Variants in CMSS1 observed in about 807,000 individuals in gnomAD.
CMSS1 encodes the protein protein CMSS1.
CMSS1 carries 33 observed loss-of-function variants against 43.5 expected under a neutral mutation model. The ratio of observed to expected loss-of-function variants is 0.76; its 90% confidence interval spans 0.57 to 1.01. The LOEUF (loss-of-function observed/expected upper bound fraction) is 1.01, where lower values mean the gene tolerates loss of function less well. Among genes scored for constraint, CMSS1 ranks in the 50% least tolerant of loss-of-function variants. CMSS1 has a pLI of 0.00. For missense variants in CMSS1, 313 were observed against 326.4 expected (o/e 0.96, Z 0.32); for synonymous variants, 115 against 117.2 (o/e 0.98, Z 0.12).
At chr3:100,038,617 A>G (rs191144151) in intron 1 of CMSS1, among the ~76,000 whole-genome samples, 6 of 152,328 alleles carry the variant, frequency 3.9e-5, no homozygotes, top group Admixed American at 6.5e-5. Context: ...CATTTATCCA[A>G]TACTATGCTT....
intron 1 of CMSS1, among the ~76,000 whole-genome samples, chr3:99,884,787 A>G (rs1705839476): frequency 6.6e-6 from 1 of 152,226 alleles, no homozygotes; most frequent in Non-Finnish European, 1.5e-5. Flanking sequence ...ATTGAGGCAA[A>G]TGTGTATACA....
chr3:99,882,407 A>G (rs549805164), intron 1 of CMSS1, among the ~76,000 whole-genome samples: 3 of 152,330 alleles, frequency 2.0e-5, no homozygotes, highest in African/African-American at 7.2e-5. Context: ...TGGTAAGACT[A>G]AATCTTCCAC....
chr3:100,005,191 G>A (rs1709954177), intron 1 of CMSS1, among the ~76,000 whole-genome samples: 1 of 152,166 alleles, frequency 6.6e-6, no homozygotes, highest in South Asian at 2.1e-4. Flanking sequence ...TCCTGTATTT[G>A]TATAGCACCT....
Position 99,849,935 on chromosome 3 carries a change from G to A in CMSS1, c.64+31892G>A, listed in dbSNP as rs368624908. The A allele has an allele frequency of 2.0e-5, 33 of 1,612,830 alleles. No homozygotes were observed. The highest frequency in any genetic ancestry group is 6.7e-5 in the Admixed American group (4 of 59,876). ...TTCAACATATTAACTCTTGACAGGA[G>A]ATCATTTCCTTTCTCTTCTTCCGCT... is the stretch of plus-strand genomic sequence containing the variant. On this transcript the variant is annotated intron_variant, in intron 1 of 9. Coordinates refer to ENST00000421999, the MANE Select transcript of CMSS1 (RefSeq NM_032359.4).
chr3:100,144,407 C>T (rs1048361547), intron 1 of CMSS1, among the ~76,000 whole-genome samples: 2 of 152,150 alleles, frequency 1.3e-5, no homozygotes, highest in Non-Finnish European at 2.9e-5. Flanking sequence ...GATGGAAGTC[C>T]AGGCTCCTCA....
At chr3:99,916,780 C>T (rs193042499) in intron 1 of CMSS1, among the ~76,000 whole-genome samples, 51 of 152,224 alleles carry the variant, frequency 3.4e-4, no homozygotes, top group African/African-American at 1.2e-3. Flanking sequence ...ACTCTGATAC[C>T]CTGTGCTCTT....
chr3:99,971,103 C>A (rs578042620), intron 1 of CMSS1, among the ~76,000 whole-genome samples: 7,847 of 152,148 alleles, frequency 0.052, 309 homozygotes, highest in South Asian at 0.15. Context: ...TTTGGGAGGC[C>A]AAGGCGGGCG....
intron 1 of CMSS1, among the ~76,000 whole-genome samples, chr3:99,999,044 T>C (rs904658706): frequency 6.6e-6 from 1 of 152,232 alleles, no homozygotes; most frequent in Non-Finnish European, 1.5e-5. Context: ...CTTCCGTGCC[T>C]CCCATAGGCA....
intron 1 of CMSS1, among the ~76,000 whole-genome samples, chr3:100,016,710 C>A (rs942947842): frequency 6.6e-6 from 1 of 152,182 alleles, no homozygotes; most frequent in Admixed American, 6.5e-5. Flanking sequence ...CTCTTGAATC[C>A]TTTTTATCCT....
At chr3:99,828,981 C>G (rs1266218950) in intron 1 of CMSS1, among the ~76,000 whole-genome samples, 1 of 151,954 alleles carries the variant, frequency 6.6e-6, no homozygotes, top group African/African-American at 2.4e-5. Flanking sequence ...TCAATGCTGC[C>G]CAGGCCTCTA....
chr3:100,123,059 A>C (rs2066634477), intron 1 of CMSS1, among the ~76,000 whole-genome samples: 1 of 152,208 alleles, frequency 6.6e-6, no homozygotes, highest in Non-Finnish European at 1.5e-5. Flanking sequence ...TTGGAATGTA[A>C]AGTCTATGGG....
chr3:100,017,546 A>G (rs915796627), intron 1 of CMSS1, among the ~76,000 whole-genome samples: 1 of 152,204 alleles, frequency 6.6e-6, no homozygotes, highest in African/African-American at 2.4e-5. Context: ...TTGTATATGT[A>G]CTTTGTGCTG....
At chr3:99,956,739 C>A (rs1178733548) in intron 1 of CMSS1, among the ~76,000 whole-genome samples, 1 of 152,178 alleles carries the variant, frequency 6.6e-6, no homozygotes, top group African/African-American at 2.4e-5. Flanking sequence ...TTCTTTCTCA[C>A]TATTGGTTCT....
At chr3:99,826,582 A>C (rs1280479557) in intron 1 of CMSS1, among the ~76,000 whole-genome samples, 3 of 152,204 alleles carry the variant, frequency 2.0e-5, no homozygotes, top group African/African-American at 7.2e-5. Flanking sequence ...TGTGAACCGC[A>C]GTTTGCAAAC....
intron 1 of CMSS1, among the ~76,000 whole-genome samples, chr3:99,897,749 C>G (rs1238366991): frequency 1.3e-5 from 2 of 152,164 alleles, no homozygotes; most frequent in Non-Finnish European, 2.9e-5. Flanking sequence ...CATATTTTAC[C>G]TTGACCAGAT....
intron 1 of CMSS1, among the ~76,000 whole-genome samples, chr3:99,828,834 T>C (rs1002053816): frequency 5.3e-5 from 8 of 152,100 alleles, no homozygotes; most frequent in African/African-American, 1.9e-4. Context: ...CATTTCAGGC[T>C]TTTAATTCAC....
At chr3:100,138,989 A>G (rs1303222593) in intron 1 of CMSS1, among the ~76,000 whole-genome samples, 1 of 152,228 alleles carries the variant, frequency 6.6e-6, no homozygotes, top group Non-Finnish European at 1.5e-5. Flanking sequence ...TGGTACATAT[A>G]TACCATGGAA....
intron 1 of CMSS1, among the ~76,000 whole-genome samples, chr3:100,000,542 A>G (rs1709812689): frequency 6.6e-6 from 1 of 152,176 alleles, no homozygotes; most frequent in Non-Finnish European, 1.5e-5. Flanking sequence ...GAAAATTCAG[A>G]CAATACTCCT....
intron 1 of CMSS1, among the ~76,000 whole-genome samples, chr3:100,010,964 A>G (rs575079705): frequency 1.4e-4 from 22 of 151,986 alleles, no homozygotes; most frequent in Non-Finnish European, 2.9e-4. Context: ...AAGTCTACAA[A>G]TAATTGCCCC....
Sources: gnomAD v4.1 joint callset for allele counts (sites outside exome capture counted in the v4.1 genomes callset) on GRCh38, gnomAD v4.1.1 for gene constraint, MANE v1.5 for transcripts, NCBI Gene and HGNC (gene_info 2026-07-23, HGNC 2026-07-21) for gene names.